Variants in IQGAP2 observed in about 807,000 individuals in gnomAD.
The protein encoded by IQGAP2 is ras GTPase-activating-like protein IQGAP2.
In IQGAP2, 173 loss-of-function variants were observed where a neutral mutation model predicts 201.3. That is an observed-to-expected ratio of 0.86 (90% CI 0.76 to 0.98). The LOEUF is 0.98. IQGAP2 is among the 50% of genes least tolerant of loss of function. IQGAP2 has a pLI of 0.00. For synonymous variants in IQGAP2, 675 were observed against 673.9 expected, an observed-to-expected ratio of 1.00 and a Z score of -0.03; for missense variants, 1,687 against 1,864.8, an observed-to-expected ratio of 0.90 and a Z score of 1.76.
intron 1 of IQGAP2, among the ~76,000 whole-genome samples, chr5:76,423,962 C>T (rs879452180): frequency 9.2e-5 from 14 of 152,122 alleles, no homozygotes; most frequent in African/African-American, 2.7e-4. Context: ...GTAGGTTTAG[C>T]GAACAGTTAA....
At chr5:76,450,937 CAT>C (rs1156690053) in intron 1 of IQGAP2, among the ~76,000 whole-genome samples, 1 of 151,012 alleles carries the variant, frequency 6.6e-6, no homozygotes, top group Non-Finnish European at 1.5e-5. Flanking sequence ...TGCCCTGAAT[CAT>C]GTGTTAATTC....
Position 76,706,544 on chromosome 5 carries a change from C to T in IQGAP2, c.4615-656C>T, listed in dbSNP as rs910188081. Among the ~76,000 whole-genome samples, 19 of 152,048 alleles carry T rather than the reference C, an allele frequency of 1.2e-4. No homozygotes were observed. The East Asian group carries it at 1.4e-3, about 11-fold the overall frequency. On this transcript the variant is annotated intron_variant, in intron 35 of 35. Transcript: ENST00000274364. ...TGTATTTTTAGTAGAGATGGGGTTT[C>T]GCCATGTTGGCCAGGCTGGTCTCAC...
intron 11 of IQGAP2, among the ~76,000 whole-genome samples, chr5:76,602,842 C>T (rs1397075695): frequency 2.6e-5 from 4 of 152,180 alleles, no homozygotes; most frequent in Admixed American, 6.5e-5. Flanking sequence ...CACAAGTGTG[C>T]TGTGCATGGC....
intron 21 of IQGAP2, among the ~76,000 whole-genome samples, chr5:76,661,225 A>C (rs564913025): frequency 1.9e-5 from 1 of 51,576 alleles, no homozygotes; most frequent in Non-Finnish European, 4.8e-5. Flanking sequence ...CATTTTTTAT[A>C]GTTCTTTTAA....
At chr5:76,439,034 A>G (rs1242990331) in intron 1 of IQGAP2, among the ~76,000 whole-genome samples, 2 of 112,630 alleles carry the variant, frequency 1.8e-5, no homozygotes, top group African/African-American at 5.4e-5. Flanking sequence ...GCTGTATCCC[A>G]GAGGCTTTGA....
intron 2 of IQGAP2, among the ~76,000 whole-genome samples, chr5:76,513,288 A>T (rs541862224): frequency 6.6e-6 from 1 of 152,182 alleles, no homozygotes; most frequent in South Asian, 2.1e-4. Flanking sequence ...TTTCCCCAAA[A>T]TACATTTTTA....
intron 27 of IQGAP2, 75 bp downstream of exon 27, chr5:76,674,784 C>G (rs1203723022): frequency 2.7e-6 from 3 of 1,091,008 alleles, no homozygotes; most frequent in South Asian, 1.3e-5. Context: ...GTGCCCAGAG[C>G]TAGAGTGGGC....
At chr5:76,554,415 AC>A (rs2150241063) in intron 2 of IQGAP2, among the ~76,000 whole-genome samples, 1 of 152,300 alleles carries the variant, frequency 6.6e-6, no homozygotes, top group East Asian at 1.9e-4. Context: ...CAAATCATAT[AC>A]CAAATAAGAA....
At chr5:76,425,992 G>A (rs1032049571) in intron 1 of IQGAP2, among the ~76,000 whole-genome samples, 1 of 152,210 alleles carries the variant, frequency 6.6e-6, no homozygotes, top group African/African-American at 2.4e-5. Context: ...CATGGTCTGT[G>A]CCAGTATCCT....
At position 76,637,128 on chromosome 5, in the gene IQGAP2, T is replaced by C. The variant is rs1255510350; in HGVS notation, c.1875T>C (p.Pro625=). Residue 625 remains proline, a synonymous_variant, in exon 16 of 36, where the codon CCT becomes CCC. Transcript: ENST00000274364. ...TDSKESSWVT[P]ESCLYKESWL... The stretch of plus-strand genomic sequence containing the variant: ...CAAAAGAGAGTTCCTGGGTCACACC[T>C]GAATCATGCTTGTATAAAGAATCAT... 6.2e-7 allele frequency: 1 copy of C among 1,611,486 alleles called. No individual in the cohort carries two copies. The highest frequency in any genetic ancestry group is 1.1e-5 in the South Asian group (1 of 90,594).
At position 76,608,878 on chromosome 5, in the gene IQGAP2, T is replaced by G. The variant is rs1474168739; in HGVS notation, c.1358-2142T>G. The G allele has an allele frequency of 6.9e-6, 3 of 435,602 alleles. No homozygotes were observed. In the East Asian group the frequency reaches 1.1e-4, roughly 17 times the overall value. 27.0% of individuals were successfully genotyped at this position (435,602 alleles called of 1,614,324 possible). A position where few individuals can be genotyped will look rare whatever the true frequency, so the allele number is the denominator to read the frequency against. ...AGGTTACCTCATCTGCTGCCTCAAA[T>G]ACATGAACTCTAAAAGAACGCCCAC... On this transcript the variant is annotated intron_variant, in intron 12 of 35. Coordinates refer to ENST00000274364, the MANE Select transcript of IQGAP2 (RefSeq NM_006633.5).
chr5:76,579,611 G>A (rs576633282), intron 5 of IQGAP2, among the ~76,000 whole-genome samples: 5 of 151,674 alleles, frequency 3.3e-5, no homozygotes, highest in South Asian at 2.1e-4. Context: ...TCATAATGAT[G>A]TATTGGCCTG....
chr5:76,543,072 T>C (rs754569912), intron 2 of IQGAP2, among the ~76,000 whole-genome samples: 8 of 152,194 alleles, frequency 5.3e-5, no homozygotes, highest in Non-Finnish European at 1.2e-4. Flanking sequence ...CTTCAGATCC[T>C]GTGTCTTACA....
rs1272099113 is a variant in IQGAP2, at chr5:76,707,102, C to A, written c.4615-98C>A. 5.8e-6 allele frequency: 4 copies of A among 690,130 alleles called. No homozygotes were observed. In the East Asian group the frequency reaches 1.1e-4, roughly 19 times the overall value. 42.8% of individuals were successfully genotyped at this position (690,130 alleles called of 1,614,324 possible). On this transcript the variant is annotated intron_variant, in intron 35 of 35. Coordinates refer to ENST00000274364, the MANE Select transcript of IQGAP2 (RefSeq NM_006633.5). The stretch of plus-strand genomic sequence containing the variant: ...TTAGACCCCACCCAGGTGATTAGGT[C>A]AATTGAATCTGACTTTTGTCAACAA...
intron 2 of IQGAP2, among the ~76,000 whole-genome samples, chr5:76,463,437 T>G (rs1248711382): frequency 6.6e-6 from 1 of 152,170 alleles, no homozygotes; most frequent in Admixed American, 6.5e-5. Context: ...ACAATCAAGA[T>G]GATGTTACTT....
At chr5:76,444,486 A>G (rs1753254566) in intron 1 of IQGAP2, among the ~76,000 whole-genome samples, 1 of 152,082 alleles carries the variant, frequency 6.6e-6, no homozygotes. Context: ...TTTAGTAGAG[A>G]CGGGGTTTCA....
chr5:76,611,821 G>A (rs1317304184), intron 13 of IQGAP2, among the ~76,000 whole-genome samples: 1 of 152,148 alleles, frequency 6.6e-6, no homozygotes, highest in Non-Finnish European at 1.5e-5. Context: ...TGGCCTCTGT[G>A]ATAAGGCCAA....
intron 2 of IQGAP2, among the ~76,000 whole-genome samples, chr5:76,496,722 TTCTTTTCTTTCTTTCTTTC>T (rs1756931639): frequency 5.8e-5 from 1 of 17,200 alleles, no homozygotes; most frequent in Non-Finnish European, 1.1e-4. Flanking sequence ...CTTTCTTTCT[TTCTTTTCTTTCTTTCTTTC>T]TTTCTTTCTT....
At chr5:76,447,821 A>G (rs1753487499) in intron 1 of IQGAP2, among the ~76,000 whole-genome samples, 1 of 152,208 alleles carries the variant, frequency 6.6e-6, no homozygotes, top group South Asian at 2.1e-4. Context: ...TTCTATTTTA[A>G]ATACTGAAAC....
Sources: allele counts gnomAD v4.1 joint callset (sites outside exome capture counted in the v4.1 genomes callset), GRCh38; gene constraint gnomAD v4.1.1; transcripts MANE v1.5; gene names NCBI Gene and HGNC (gene_info 2026-07-23, HGNC 2026-07-21).